VPS13A: variants seen among roughly 807,000 people sequenced by gnomAD.
VPS13A encodes the protein vacuolar protein sorting 13 homolog A.
A neutral mutation model predicts 390.9 loss-of-function variants in VPS13A; 264 were observed. That is an observed-to-expected ratio of 0.68 (90% confidence interval 0.61 to 0.75). The LOEUF is 0.75. Ranked by LOEUF, VPS13A falls within the 30% of genes least tolerant of loss-of-function variation. The pLI is 0.00. For synonymous variants in VPS13A, 1,231 were observed against 1,227.1 expected (o/e 1.00, Z -0.07); for missense variants, 3,409 against 3,733.9 (o/e 0.91, Z 2.27).
chr9:77,294,162 C>T (rs1237021725), intron 32 of VPS13A, among the ~76,000 whole-genome samples: 1 of 152,062 alleles, frequency 6.6e-6, no homozygotes, highest in Non-Finnish European at 1.5e-5. Flanking sequence ...CTCAAGTGAT[C>T]CTCCTGCTTT....
chr9:77,249,926 CCTT>C (rs1241450524), intron 20 of VPS13A, among the ~76,000 whole-genome samples, 168 bp from the exon 21 acceptor site: 27 of 152,212 alleles, frequency 1.8e-4, no homozygotes, highest in South Asian at 1.5e-3. Context: ...TTATCGCTCT[CCTT>C]ATTATTATAT....
rs1829307603 is a variant in VPS13A, at chr9:77,315,040, A to G, written c.4413-213A>G. ...CCTGAGATTCAAACTCTTATAATTTATTGAACATACACTTCCTCATTTATG... is the reference window on the plus strand; with the variant it reads ...CCTGAGATTCAAACTCTTATAATTTGTTGAACATACACTTCCTCATTTATG... On this transcript the variant is annotated intron_variant, in intron 37 of 71. Coordinates refer to ENST00000360280, the MANE Select transcript of VPS13A (RefSeq NM_033305.3). 3.3e-5 allele frequency among the ~76,000 whole-genome samples: 5 copies of G among 152,216 alleles called. No individual in the cohort carries two copies. In the South Asian group the frequency reaches 1.0e-3, roughly 31 times the overall value.
intron 1 of VPS13A, among the ~76,000 whole-genome samples, chr9:77,181,826 A>G (rs966062754): frequency 6.6e-6 from 1 of 152,198 alleles, no homozygotes; most frequent in African/African-American, 2.4e-5. Flanking sequence ...CTGTTTAACT[A>G]TAATGCAGCA....
At chr9:77,413,485 T>C (rs570506696) in intron 71 of VPS13A, among the ~76,000 whole-genome samples, 2 of 152,240 alleles carry the variant, frequency 1.3e-5, no homozygotes, top group East Asian at 3.9e-4. Context: ...AAACAAGAAA[T>C]GGGGAAAGGA....
At chr9:77,389,178 A>G (rs1833808590) in intron 68 of VPS13A, among the ~76,000 whole-genome samples, 1 of 152,134 alleles carries the variant, frequency 6.6e-6, no homozygotes, top group South Asian at 2.1e-4. Context: ...TTGCCATTTT[A>G]TGTTTTACTA....
rs1402399619 is a variant in VPS13A at position 77,419,774 on chromosome 9, T to C, written c.*3768T>C. On this transcript the variant is annotated 3_prime_UTR_variant, in exon 72 of 72. Transcript: ENST00000360280. ...TTTTACTATAATAGAACTGGGGACA[T>C]ACATTGTCCTTTTGAGTCCGTTGAA... 6 of 152,222 alleles carry C rather than the reference T, an allele frequency of 3.9e-5. No homozygotes were observed. Among genetic ancestry groups the C allele is most frequent in the African/African-American group, 1.4e-4 (6 of 41,452 alleles). The allele number at this position is 152,222 out of a possible 1,614,324, so 9.4% of individuals were successfully genotyped here.
At chr9:77,178,974 A>G (rs1029378194) in intron 1 of VPS13A, among the ~76,000 whole-genome samples, 1 of 152,236 alleles carries the variant, frequency 6.6e-6, no homozygotes, top group Non-Finnish European at 1.5e-5. Context: ...GGGACCTAGT[A>G]TCATGATGGA....
At chr9:77,371,279 C>T in intron 67 of VPS13A, 130 bp downstream of exon 67, 1 of 1,292,438 alleles carries the variant, frequency 7.7e-7, no homozygotes, top group Non-Finnish European at 1.1e-6. Flanking sequence ...CCACATAATA[C>T]CACAGACTGG....
chr9:77,229,629 A>G (rs1456469571), intron 17 of VPS13A, among the ~76,000 whole-genome samples: 1 of 152,056 alleles, frequency 6.6e-6, no homozygotes, highest in Non-Finnish European at 1.5e-5. Flanking sequence ...TTGCCTAGTA[A>G]TCTCTATTAT....
chr9:77,256,981 A>G (rs1825483860), intron 22 of VPS13A, among the ~76,000 whole-genome samples: 1 of 151,994 alleles, frequency 6.6e-6, no homozygotes. Context: ...GAAAAAATAT[A>G]TTTACATTTA....
intron 26 of VPS13A, among the ~76,000 whole-genome samples, chr9:77,278,054 T>G (rs1437654972): frequency 1.3e-5 from 2 of 151,928 alleles, no homozygotes; most frequent in African/African-American, 4.8e-5. Flanking sequence ...CTAAGTTTTT[T>G]TTATTATTAT....
At chr9:77,406,338 T>TAACA (rs1457771750) in intron 70 of VPS13A, among the ~76,000 whole-genome samples, 3 of 152,222 alleles carry the variant, frequency 2.0e-5, no homozygotes, top group African/African-American at 4.8e-5. Context: ...TTTCCCTTTC[T>TAACA]AACATTAATA....
At chr9:77,382,331 C>A in intron 68 of VPS13A, 1 of 1,538,818 alleles carries the variant, frequency 6.5e-7, no homozygotes, top group South Asian at 1.3e-5. Flanking sequence ...AAGTGAAAGC[C>A]AACAGTAGAT....
At chr9:77,363,886 A>G (rs1389836194) in intron 59 of VPS13A, among the ~76,000 whole-genome samples, 2 of 152,176 alleles carry the variant, frequency 1.3e-5, no homozygotes, top group East Asian at 3.9e-4. Context: ...TCCCTAAACC[A>G]GGCCTCTGAA....
In VPS13A at chr9:77,371,014, T is replaced by C; in HGVS notation, c.8954-12T>C. 2 of 1,614,170 alleles carry C rather than the reference T, an allele frequency of 1.2e-6. No homozygotes were observed. The highest frequency in any genetic ancestry group is 1.7e-6 in the Non-Finnish European group (2 of 1,180,002). On this transcript the variant is annotated splice_polypyrimidine_tract_variant and intron_variant, in intron 66 of 71. Transcript: ENST00000360280. The stretch of plus-strand genomic sequence containing the variant: ...TTGGATGCAATTGTCAAAAACTCTT[T>C]TTTCTTTCCAGGAGCTCAAAAAGGA...
chr9:77,343,953 T>G lies in VPS13A; in HGVS notation c.7027-200T>G, dbSNP rs145950310. ...GCTCTTCAATTTGCTATCCACTGCT[T>G]CTTGAATGCATAGTGCTGACAAGTG... On this transcript the variant is annotated intron_variant, in intron 50 of 71. Coordinates refer to ENST00000360280, the MANE Select transcript of VPS13A (RefSeq NM_033305.3). Among the ~76,000 whole-genome samples, 21 of 152,324 alleles carry G rather than the reference T, an allele frequency of 1.4e-4. No individual in the cohort carries two copies. In the East Asian group the frequency reaches 3.5e-3, roughly 25 times the overall value.
chr9:77,282,015 A>G, intron 28 of VPS13A, 89 bp downstream of exon 28: 1 of 1,377,536 alleles, frequency 7.3e-7, no homozygotes, highest in Non-Finnish European at 1.0e-6. Flanking sequence ...TAAAGATAAG[A>G]AAATATTATA....
At position 77,371,074 on chromosome 9, in the gene VPS13A, G is replaced by T. The variant is rs747522467; in HGVS notation, c.9002G>T (p.Gly3001Val). Reference protein sequence around the residue: ...AAGFFKGVGKGLVGAVARPTG... With the variant: ...AAGFFKGVGKVLVGAVARPTG... ...GGTTTCTTTAAAGGTGTTGGGAAAG[G>T]TTTAGTAGGAGCGGTAGCAAGGCCA... The change falls in exon 67 of 72, where the codon GGT (glycine) becomes GTT (valine). Residue 3001 changes from glycine (G) to valine (V), a missense_variant. This residue lies in a region of VPS13A where 318 missense variants were observed against 333.7 expected (regional missense o/e 0.95). Coordinates refer to ENST00000360280, the MANE Select transcript of VPS13A (RefSeq NM_033305.3). The T allele has an allele frequency of 3.7e-6, 6 of 1,614,120 alleles. No homozygotes were observed. In the Admixed American group the frequency reaches 1.0e-4, roughly 27 times the overall value.
chr9:77,245,692 G>A (rs1056148529), intron 19 of VPS13A, among the ~76,000 whole-genome samples: 1 of 152,130 alleles, frequency 6.6e-6, no homozygotes, highest in Non-Finnish European at 1.5e-5. Context: ...GTGCAAGGCC[G>A]TTGGAATCCC....
Sources: allele counts gnomAD v4.1 joint callset (sites outside exome capture counted in the v4.1 genomes callset), GRCh38; gene constraint gnomAD v4.1.1; regional missense constraint gnomAD v4.1.1; transcripts MANE v1.5; gene names NCBI Gene and HGNC (gene_info 2026-07-23, HGNC 2026-07-21).